DGKB: variants seen among roughly 807,000 people sequenced by gnomAD.
The protein encoded by DGKB is diacylglycerol kinase beta, also known as 90 kDa diacylglycerol kinase.
DGKB carries 67 observed loss-of-function variants against 114.3 expected under a neutral mutation model. The ratio of observed to expected loss-of-function variants is 0.59; its 90% confidence interval spans 0.48 to 0.72. The LOEUF is 0.72. Among genes scored for constraint, DGKB ranks in the 30% least tolerant of loss-of-function variants. The probability of loss-of-function intolerance (pLI) is 0.00; values close to 1 mark genes in which losing one functional copy is unlikely to be tolerated. For missense variants in DGKB, 907 were observed against 975.2 expected (o/e 0.93, Z 0.93); for synonymous variants, 398 against 323.1 (o/e 1.23, Z -2.49).
At chr7:14,230,212 A>G (rs1791500660) in intron 23 of DGKB, among the ~76,000 whole-genome samples, 1 of 152,080 alleles carries the variant, frequency 6.6e-6, no homozygotes, top group African/African-American at 2.4e-5. Flanking sequence ...CTTTGTCTTC[A>G]TTCTTTTACT....
chr7:14,726,217 G>A (rs543496537), intron 5 of DGKB, among the ~76,000 whole-genome samples: 27 of 151,984 alleles, frequency 1.8e-4, no homozygotes, highest in Non-Finnish European at 2.8e-4. Flanking sequence ...TGGGCTCATG[G>A]CAACCTCTGC....
intron 21 of DGKB, among the ~76,000 whole-genome samples, chr7:14,448,113 G>C (rs897370736): frequency 1.3e-5 from 2 of 152,144 alleles, no homozygotes; most frequent in African/African-American, 4.8e-5. Flanking sequence ...CTGAGTGCTG[G>C]TGTGATGTTT....
At chr7:14,584,475 TTATGA>T (rs1386933430) in intron 17 of DGKB, among the ~76,000 whole-genome samples, 1 of 152,222 alleles carries the variant, frequency 6.6e-6, no homozygotes, top group East Asian at 1.9e-4. Context: ...ATGAACAACT[TTATGA>T]TATGTCTTTA....
chr7:14,795,249 G>C (rs1347528714), intron 2 of DGKB, among the ~76,000 whole-genome samples: 4 of 152,206 alleles, frequency 2.6e-5, no homozygotes, highest in Admixed American at 2.6e-4. Flanking sequence ...GCTGAATTTG[G>C]CATGGACTCA....
intron 23 of DGKB, among the ~76,000 whole-genome samples, chr7:14,308,706 G>A (rs10227409): frequency 0.084 from 12,841 of 152,158 alleles, 602 homozygotes; most frequent in East Asian, 0.14. Context: ...CTATATTGAG[G>A]ACCTGAAAGA....
chr7:14,652,547 C>A (rs1402292267), intron 13 of DGKB, among the ~76,000 whole-genome samples: 1 of 151,842 alleles, frequency 6.6e-6, no homozygotes, highest in Non-Finnish European at 1.5e-5. Context: ...CATAAAAACC[C>A]TAGAAGAAAA....
At chr7:14,406,978 T>A (rs1218049177) in intron 21 of DGKB, among the ~76,000 whole-genome samples, 2 of 152,206 alleles carry the variant, frequency 1.3e-5, no homozygotes, top group East Asian at 3.9e-4. Context: ...GAGCAGATAA[T>A]TTAGTCCAAG....
At chr7:14,933,056 T>C (rs191395191) in intron 1 of DGKB, among the ~76,000 whole-genome samples, 1 of 152,306 alleles carries the variant, frequency 6.6e-6, no homozygotes, top group Admixed American at 6.5e-5. Context: ...TCTTGGATGG[T>C]AAGGGAATCT....
intron 23 of DGKB, among the ~76,000 whole-genome samples, chr7:14,195,615 T>C (rs960571663): frequency 2.0e-5 from 3 of 152,208 alleles, no homozygotes; most frequent in Non-Finnish European, 4.4e-5. Flanking sequence ...TCTTGAGATA[T>C]ATTATAAACT....
At chr7:14,698,693 A>G (rs1379948842) in intron 7 of DGKB, among the ~76,000 whole-genome samples, 1 of 152,128 alleles carries the variant, frequency 6.6e-6, no homozygotes, top group Non-Finnish European at 1.5e-5. Flanking sequence ...TGCAGCATTT[A>G]TTTTGTGAGA....
At chr7:14,535,488 C>T (rs1277870490) in intron 20 of DGKB, among the ~76,000 whole-genome samples, 2 of 151,350 alleles carry the variant, frequency 1.3e-5, no homozygotes, top group Non-Finnish European at 2.9e-5. Flanking sequence ...ACGCTAAAGC[C>T]ATAGTTAGCA....
At chr7:14,335,503 G>GTGTT (rs1810485950) in intron 23 of DGKB, among the ~76,000 whole-genome samples, 1 of 152,072 alleles carries the variant, frequency 6.6e-6, no homozygotes, top group Non-Finnish European at 1.5e-5. Flanking sequence ...ATGAGAAACA[G>GTGTT]TGTTAGTTAA....
intron 1 of DGKB, among the ~76,000 whole-genome samples, chr7:14,861,267 T>C (rs1850938304): frequency 6.6e-6 from 1 of 151,982 alleles, no homozygotes; most frequent in Non-Finnish European, 1.5e-5. Flanking sequence ...CTCAGTTATA[T>C]GTTCAAAAAG....
chr7:14,503,881 T>G (rs1343202409), intron 20 of DGKB, among the ~76,000 whole-genome samples: 1 of 152,152 alleles, frequency 6.6e-6, no homozygotes, highest in Non-Finnish European at 1.5e-5. Context: ...CACAGAAGCA[T>G]TAGCAATAGA....
In DGKB at chr7:14,943,057, G is replaced by A. The variant is rs75302920; in HGVS notation, c.-188+31639C>T. Reference sequence around the variant, plus strand: ...TGTTGTAATTGCTCATTAAATATTCGTTGTATGACTGATTGACTTACTGAT... The same window carrying A: ...TGTTGTAATTGCTCATTAAATATTCATTGTATGACTGATTGACTTACTGAT... On this transcript the variant is annotated intron_variant, in intron 1 of 4. Coordinates refer to the DGKB transcript ENST00000437998. 3.8e-3 allele frequency among the ~76,000 whole-genome samples: 583 copies of A among 151,560 alleles called. 9 individuals are homozygous for A. The highest frequency in any genetic ancestry group is 0.014 in the Middle Eastern group (4 of 294).
At chr7:14,279,210 G>T (rs909539376) in intron 23 of DGKB, among the ~76,000 whole-genome samples, 1 of 149,028 alleles carries the variant, frequency 6.7e-6, no homozygotes, top group Non-Finnish European at 1.5e-5. Flanking sequence ...ATTATATCCC[G>T]CACGTGGCTC....
At chr7:14,267,691 G>A (rs1047982328) in intron 23 of DGKB, among the ~76,000 whole-genome samples, 4 of 151,780 alleles carry the variant, frequency 2.6e-5, no homozygotes, top group African/African-American at 7.3e-5. Context: ...GGGTTTTACC[G>A]TGTTAGCCAG....
At chr7:14,733,371 A>C (rs984642701) in intron 5 of DGKB, among the ~76,000 whole-genome samples, 11 of 152,218 alleles carry the variant, frequency 7.2e-5, no homozygotes, top group Non-Finnish European at 2.9e-5. Context: ...TGATTACTTT[A>C]TGAAAAATAA....
intron 25 of DGKB, among the ~76,000 whole-genome samples, chr7:14,152,445 C>T (rs759782899): frequency 6.6e-5 from 10 of 152,058 alleles, no homozygotes; most frequent in African/African-American, 1.2e-4. Context: ...GGTTCCATGA[C>T]GGTAGAAGAG....
Sources: allele counts gnomAD v4.1 joint callset (sites outside exome capture counted in the v4.1 genomes callset), GRCh38; gene constraint gnomAD v4.1.1; transcripts MANE v1.5; gene names NCBI Gene and HGNC (gene_info 2026-07-23, HGNC 2026-07-21).